Variants in CCDC191 observed in about 807,000 individuals in gnomAD.
CCDC191 encodes the protein coiled-coil domain-containing protein 191.
Under a neutral mutation model 114.0 loss-of-function variants are expected in CCDC191, and 99 were observed. That is an observed-to-expected ratio of 0.87 (90% CI 0.74 to 1.03). The LOEUF (loss-of-function observed/expected upper bound fraction) is 1.03. CCDC191 is among the 50% of genes least tolerant of loss of function. CCDC191 has a pLI of 0.00. For synonymous variants in CCDC191, 351 were observed against 376.0 expected (o/e 0.93, Z 0.77); for missense variants, 973 against 1,087.0 (o/e 0.90, Z 1.47).
chr3:114,023,429 G>A (rs1243811571), intron 7 of CCDC191, among the ~76,000 whole-genome samples: 1 of 152,174 alleles, frequency 6.6e-6, no homozygotes, highest in African/African-American at 2.4e-5. Context: ...CAAAGCTGGA[G>A]GCATCTCACT....
At chr3:113,982,276 T>G (rs1408664522) in intron 13 of CCDC191, among the ~76,000 whole-genome samples, 5 of 152,308 alleles carry the variant, frequency 3.3e-5, no homozygotes, top group Non-Finnish European at 7.4e-5. Flanking sequence ...AAACATGAGT[T>G]CTGCTTGAGT....
intron 10 of CCDC191, among the ~76,000 whole-genome samples, chr3:114,005,102 G>A (rs1004783899): frequency 6.6e-6 from 1 of 152,170 alleles, no homozygotes; most frequent in African/African-American, 2.4e-5. Flanking sequence ...GCTCAAAGAT[G>A]TTTTGTTTTA....
intron 13 of CCDC191, among the ~76,000 whole-genome samples, chr3:113,982,633 T>C (rs1327379298): frequency 6.6e-6 from 1 of 151,086 alleles, no homozygotes; most frequent in Non-Finnish European, 1.5e-5. Context: ...AAATTACAGC[T>C]ATGTTAAAAA....
intron 13 of CCDC191, among the ~76,000 whole-genome samples, chr3:113,988,167 A>G (rs1284048098): frequency 2.0e-5 from 3 of 151,844 alleles, no homozygotes; most frequent in Non-Finnish European, 2.9e-5. Context: ...GAATAAGTAC[A>G]ACAAATAGAA....
chr3:114,043,355 G>C (rs950029290), intron 3 of CCDC191, among the ~76,000 whole-genome samples: 1 of 152,082 alleles, frequency 6.6e-6, no homozygotes, highest in Non-Finnish European at 1.5e-5. Context: ...CAGGTTTAGG[G>C]GAATGTTTAG....
rs1246524221 is a variant in CCDC191 at position 113,987,973 on chromosome 3, C to T, written c.2164-7180G>A. 4.0e-5 allele frequency among the ~76,000 whole-genome samples: 6 copies of T among 151,192 alleles called. 1 individual carries two copies. The South Asian group carries it at 8.4e-4, about 21-fold the overall frequency. On this transcript the variant is annotated intron_variant, in intron 13 of 16. Coordinates refer to ENST00000295878, the MANE Select transcript of CCDC191 (RefSeq NM_020817.2). ...AGGAGAATTGCTTGAACCCAGGAAG[C>T]GGATGTTGCAGTGAGCCAAGATCAT...
chr3:114,008,129 T>C (rs2076004550), intron 9 of CCDC191, among the ~76,000 whole-genome samples: 1 of 147,762 alleles, frequency 6.8e-6, no homozygotes. Flanking sequence ...TTACTACATA[T>C]ATATAGTAAT....
intron 2 of CCDC191, among the ~76,000 whole-genome samples, chr3:114,047,873 G>T (rs1001111492): frequency 3.9e-5 from 6 of 152,058 alleles, no homozygotes; most frequent in African/African-American, 1.4e-4. Context: ...TACTTGGGCA[G>T]CTGAGGCATG....
chr3:113,975,176 C>G (rs968251852), intron 16 of CCDC191, among the ~76,000 whole-genome samples: 3 of 152,090 alleles, frequency 2.0e-5, no homozygotes, highest in African/African-American at 7.2e-5. Context: ...AAGACAATAT[C>G]AGACATATTA....
intron 8 of CCDC191, among the ~76,000 whole-genome samples, chr3:114,016,658 GAGA>G (rs1199303383): frequency 2.6e-5 from 4 of 152,256 alleles, no homozygotes; most frequent in African/African-American, 9.6e-5. Flanking sequence ...AAAAAGTTCT[GAGA>G]AGATCTTTTT....
intron 4 of CCDC191, among the ~76,000 whole-genome samples, chr3:114,041,883 G>A (rs2076566371): frequency 6.6e-6 from 1 of 151,778 alleles, no homozygotes; most frequent in Non-Finnish European, 1.5e-5. Context: ...TCTGTGCACA[G>A]TAGTGGTTTT....
At chr3:114,003,403 A>T in intron 11 of CCDC191, 2 of 985,356 alleles carry the variant, frequency 2.0e-6, no homozygotes, top group Non-Finnish European at 2.4e-6. Context: ...ACAGTTATTA[A>T]GTGTCTGCTT....
chr3:114,025,735 C>T (rs751818315), intron 7 of CCDC191, among the ~76,000 whole-genome samples: 15 of 152,162 alleles, frequency 9.9e-5, no homozygotes, highest in South Asian at 2.1e-4. Flanking sequence ...TCCCTATCAC[C>T]TTCTCTTTGC....
At chr3:114,004,106 CAAAT>C in intron 11 of CCDC191, 2 of 953,374 alleles carry the variant, frequency 2.1e-6, no homozygotes, top group Non-Finnish European at 1.2e-6. Flanking sequence ...CTGCCTGTAC[CAAAT>C]AAATAAATGT....
In CCDC191 at chr3:114,031,795, T is replaced by G; in HGVS notation, c.819-16A>C. On this transcript the variant is annotated splice_polypyrimidine_tract_variant and intron_variant, in intron 6 of 16. Coordinates refer to ENST00000295878, the MANE Select transcript of CCDC191 (RefSeq NM_020817.2). ...TTTCTTCTCTCTATTAATAACAATT[T>G]AAAAATACATGTATATTTACAATAG... The G allele has an allele frequency of 9.4e-7, 1 of 1,068,474 alleles. No homozygotes were observed. The highest frequency in any genetic ancestry group is 1.4e-6 in the Non-Finnish European group (1 of 717,100). 66.2% of individuals were successfully genotyped at this position (1,068,474 alleles called of 1,614,324 possible).
chr3:113,967,637 G>C (rs1940345360), intron 16 of CCDC191, among the ~76,000 whole-genome samples: 1 of 151,968 alleles, frequency 6.6e-6, no homozygotes, highest in African/African-American at 2.4e-5. Context: ...ATTTACCATG[G>C]GGACATTCAA....
At chr3:114,008,946 T>C (rs907027283) in intron 9 of CCDC191, among the ~76,000 whole-genome samples, 2 of 152,160 alleles carry the variant, frequency 1.3e-5, no homozygotes, top group Non-Finnish European at 2.9e-5. Flanking sequence ...CTACTGCATC[T>C]AGGCTATATG....
chr3:113,991,643 A>G (rs971223575), intron 13 of CCDC191, among the ~76,000 whole-genome samples: 1 of 152,218 alleles, frequency 6.6e-6, no homozygotes, highest in African/African-American at 2.4e-5. Flanking sequence ...TGCCTATTCC[A>G]TCTCATACTG....
At chr3:114,014,332 G>C (rs994918598) in intron 8 of CCDC191, among the ~76,000 whole-genome samples, 1 of 152,208 alleles carries the variant, frequency 6.6e-6, no homozygotes, top group Non-Finnish European at 1.5e-5. Context: ...TCCTCTGCCT[G>C]TGTGACAGAG....
Sources: gnomAD v4.1 joint callset for allele counts (sites outside exome capture counted in the v4.1 genomes callset) on GRCh38, gnomAD v4.1.1 for gene constraint, MANE v1.5 for transcripts, NCBI Gene and HGNC (gene_info 2026-07-23, HGNC 2026-07-21) for gene names.